Variants in DNM3 observed in about 807,000 individuals in gnomAD.
DNM3 encodes the protein dynamin 3.
Under a neutral mutation model 101.6 loss-of-function variants are expected in DNM3, and 47 were observed. The observed-to-expected ratio is 0.46, with a 90% CI of 0.37 to 0.59. The LOEUF is 0.59. Ranked by LOEUF, DNM3 falls within the 20% of genes least tolerant of loss-of-function variation. The pLI, the probability that DNM3 is intolerant of heterozygous loss-of-function variation, is 0.00. For synonymous variants in DNM3, 385 were observed against 387.9 expected, an observed-to-expected ratio of 0.99 and a Z score of 0.09; for missense variants, 849 against 1,085.7, an observed-to-expected ratio of 0.78 and a Z score of 3.06.
intron 14 of DNM3, among the ~76,000 whole-genome samples, chr1:172,226,777 G>A (rs911576511): frequency 6.6e-6 from 1 of 152,020 alleles, no homozygotes; most frequent in African/African-American, 2.4e-5. Flanking sequence ...CAGTTTTTCA[G>A]CGATAATGAT....
chr1:171,886,537 T>TC (rs1483262368), intron 1 of DNM3, among the ~76,000 whole-genome samples: 1 of 152,166 alleles, frequency 6.6e-6, no homozygotes, highest in Non-Finnish European at 1.5e-5. Flanking sequence ...CCAACCCATT[T>TC]TTTTTTTAAA....
chr1:172,284,432 A>T (rs1193828900), intron 15 of DNM3, among the ~76,000 whole-genome samples: 1 of 152,202 alleles, frequency 6.6e-6, no homozygotes, highest in Non-Finnish European at 1.5e-5. Flanking sequence ...TGTCCTTCTT[A>T]GCAATCCATT....
intron 14 of DNM3, among the ~76,000 whole-genome samples, chr1:172,190,247 T>A (rs559877162): frequency 6.6e-6 from 1 of 152,078 alleles, no homozygotes; most frequent in East Asian, 1.9e-4. Flanking sequence ...CCACCTATGA[T>A]TGAGAACATG....
At chr1:172,277,757 G>A (rs2063342893) in intron 15 of DNM3, among the ~76,000 whole-genome samples, 2 of 152,152 alleles carry the variant, frequency 1.3e-5, no homozygotes, top group South Asian at 4.2e-4. Flanking sequence ...ATGAAAAGAT[G>A]AGATGTGTTT....
intron 12 of DNM3, among the ~76,000 whole-genome samples, chr1:172,090,206 G>T (rs4540689): frequency 0.19 from 28,163 of 152,148 alleles, 3,527 homozygotes; most frequent in Non-Finnish European, 0.28. Flanking sequence ...CAATTATGGT[G>T]CTTGGAAGAG....
At chr1:172,092,253 A>G (rs2053962514) in intron 12 of DNM3, among the ~76,000 whole-genome samples, 1 of 152,190 alleles carries the variant, frequency 6.6e-6, no homozygotes, top group South Asian at 2.1e-4. Context: ...GATGCATTAA[A>G]GGAGTTGTCA....
intron 2 of DNM3, among the ~76,000 whole-genome samples, chr1:171,933,742 C>T (rs2041207900): frequency 6.6e-6 from 1 of 152,054 alleles, no homozygotes; most frequent in Admixed American, 6.6e-5. Context: ...GAAGGATTAG[C>T]ATCTGAAAGT....
intron 17 of DNM3, among the ~76,000 whole-genome samples, chr1:172,330,558 A>G (rs2066138556): frequency 6.6e-6 from 1 of 152,136 alleles, no homozygotes; most frequent in African/African-American, 2.4e-5. Context: ...TTTAAAAATA[A>G]AGAAATTCTG....
intron 18 of DNM3, among the ~76,000 whole-genome samples, chr1:172,383,589 G>A (rs2149068643): frequency 6.6e-6 from 1 of 152,276 alleles, no homozygotes; most frequent in East Asian, 1.9e-4. Flanking sequence ...TAAGGAAATG[G>A]TCTCCTTGGT....
chr1:172,302,462 A>G (rs1371806294), intron 15 of DNM3, among the ~76,000 whole-genome samples: 2 of 152,252 alleles, frequency 1.3e-5, no homozygotes, highest in Non-Finnish European at 2.9e-5. Context: ...AACAAAAGGC[A>G]GCAGAAACTT....
intron 15 of DNM3, among the ~76,000 whole-genome samples, chr1:172,281,965 C>T (rs891766927): frequency 6.6e-6 from 1 of 152,126 alleles, no homozygotes; most frequent in Non-Finnish European, 1.5e-5. Flanking sequence ...ATTTTTGGTC[C>T]TCCCAATTCT....
In DNM3 at chr1:172,410,066, T is replaced by C; in HGVS notation, c.*2225T>C. 1.0e-6 allele frequency: 1 copy of C among 985,510 alleles called. No individual in the cohort carries two copies. The highest frequency in any genetic ancestry group is 1.2e-6 in the Non-Finnish European group (1 of 829,886). 61.0% of individuals were successfully genotyped at this position (985,510 alleles called of 1,614,324 possible). ...GTTGCACTGCCCCAATTGTCTACCT[T>C]TGTGGGTACATTTTTGTTCTTTACT... On this transcript the variant is annotated 3_prime_UTR_variant, in exon 21 of 21. Transcript: ENST00000627582.
At chr1:171,883,401 AC>A (rs2036478541) in intron 1 of DNM3, among the ~76,000 whole-genome samples, 2 of 116,234 alleles carry the variant, frequency 1.7e-5, no homozygotes, top group African/African-American at 6.7e-5. Flanking sequence ...ACACACACAC[AC>A]ACACACACAC....
intron 13 of DNM3, among the ~76,000 whole-genome samples, chr1:172,099,490 ATC>A (rs1159111032): frequency 6.6e-6 from 1 of 152,034 alleles, no homozygotes; most frequent in Non-Finnish European, 1.5e-5. Flanking sequence ...TCATTTCTAT[ATC>A]GTTGAACAGA....
chr1:172,156,287 G>A (rs2058334944), intron 14 of DNM3, among the ~76,000 whole-genome samples: 2 of 151,998 alleles, frequency 1.3e-5, no homozygotes, highest in African/African-American at 4.8e-5. Flanking sequence ...AGCTCAGTTA[G>A]CCTTCATCAG....
chr1:171,942,982 T>C (rs971915393), intron 2 of DNM3, among the ~76,000 whole-genome samples: 1 of 152,050 alleles, frequency 6.6e-6, no homozygotes, highest in Non-Finnish European at 1.5e-5. Context: ...TGAGGTGGCA[T>C]GCATCTGTAG....
intron 17 of DNM3, among the ~76,000 whole-genome samples, chr1:172,331,831 T>C (rs1476597442): frequency 6.6e-6 from 1 of 152,058 alleles, no homozygotes; most frequent in Non-Finnish European, 1.5e-5. Flanking sequence ...TACAAATTAA[T>C]AAGGAAAGAA....
At chr1:172,276,334 A>G (rs927357099) in intron 15 of DNM3, among the ~76,000 whole-genome samples, 2 of 152,042 alleles carry the variant, frequency 1.3e-5, no homozygotes, top group East Asian at 3.8e-4. Flanking sequence ...GGTGACCCCT[A>G]TAGTATATAC....
intron 15 of DNM3, among the ~76,000 whole-genome samples, chr1:172,290,534 G>A (rs1185640304): frequency 6.6e-6 from 1 of 152,126 alleles, no homozygotes; most frequent in Non-Finnish European, 1.5e-5. Context: ...AAATGAGGGG[G>A]CAAGAAGTCC....
Sources: allele counts gnomAD v4.1 joint callset (sites outside exome capture counted in the v4.1 genomes callset), GRCh38; gene constraint gnomAD v4.1.1; transcripts MANE v1.5; gene names NCBI Gene and HGNC (gene_info 2026-07-23, HGNC 2026-07-21).